Variants in PTPRT observed in about 807,000 individuals in gnomAD.
PTPRT encodes protein tyrosine phosphatase receptor type T.
In PTPRT, 56 loss-of-function variants were observed where a neutral mutation model predicts 176.8. The ratio of observed to expected loss-of-function variants is 0.32; its 90% confidence interval spans 0.26 to 0.40. PTPRT has a LOEUF of 0.40. Among genes scored for constraint, PTPRT ranks in the 10% least tolerant of loss-of-function variants. The pLI, the probability that PTPRT is intolerant of heterozygous loss-of-function variation, is 1.00. For synonymous variants in PTPRT, 783 were observed against 739.0 expected (o/e 1.06, Z -0.96); for missense variants, 1,540 against 1,908.2 (o/e 0.81, Z 3.60).
chr20:42,065,205 A>G, the PTPRT span, among the ~76,000 whole-genome samples: 16 of 152,358 alleles, frequency 1.1e-4, no homozygotes, highest in Admixed American at 9.8e-4. Flanking sequence ...CTGACCCACA[A>G]AATTATGAAA....
At chr20:42,514,572 T>A (rs1253025528) in intron 7 of PTPRT, among the ~76,000 whole-genome samples, 1 of 152,182 alleles carries the variant, frequency 6.6e-6, no homozygotes, top group African/African-American at 2.4e-5. Context: ...GATTTGGGGG[T>A]GCCTTTTGAA....
the PTPRT span, among the ~76,000 whole-genome samples, chr20:42,046,275 A>T: frequency 3.9e-5 from 6 of 152,070 alleles, no homozygotes; most frequent in Non-Finnish European, 8.8e-5. Context: ...TGTTGCCGAC[A>T]CTCTTCTCCT....
rs144480997 is a variant in PTPRT, at chr20:42,632,302, G to A, written c.1153+45564C>T. Among the ~76,000 whole-genome samples the A allele has an allele frequency of 5.9e-5, 9 of 152,210 alleles. No homozygotes were observed. In the East Asian group the frequency reaches 1.4e-3, roughly 23 times the overall value. ...CGCCCAGGCTGCAGTGCAGTGGTGC[G>A]ATCTTGGCTCACTGCAATCTCTGCC... On this transcript the variant is annotated intron_variant, in intron 7 of 30. Transcript: ENST00000373187.
chr20:42,444,578 G>C (rs1030583216), intron 9 of PTPRT, among the ~76,000 whole-genome samples: 7 of 152,126 alleles, frequency 4.6e-5, no homozygotes, highest in African/African-American at 1.7e-4. Flanking sequence ...CATAGTTATA[G>C]TAATGAAACT....
chr20:42,651,816 G>A (rs1397126435), intron 7 of PTPRT, among the ~76,000 whole-genome samples: 5 of 152,276 alleles, frequency 3.3e-5, no homozygotes, highest in Non-Finnish European at 7.4e-5. Context: ...GGAGGCTGAG[G>A]TGGGTGGATC....
At chr20:42,422,913 AG>A (rs1317806780) in intron 9 of PTPRT, among the ~76,000 whole-genome samples, 1 of 152,152 alleles carries the variant, frequency 6.6e-6, no homozygotes, top group African/African-American at 2.4e-5. Context: ...ATGGCGGTGG[AG>A]GCCATTATCC....
At chr20:42,840,363 T>C (rs1361492904) in intron 2 of PTPRT, among the ~76,000 whole-genome samples, 1 of 152,094 alleles carries the variant, frequency 6.6e-6, no homozygotes, top group African/African-American at 2.4e-5. Context: ...CAATCTGAGG[T>C]ATTGGTATTT....
intron 1 of PTPRT, among the ~76,000 whole-genome samples, chr20:42,972,486 AC>A (rs1325197148): frequency 1.2e-4 from 18 of 151,006 alleles, no homozygotes; most frequent in African/African-American, 4.4e-4. Context: ...ACATGATGAA[AC>A]CCCGTCTCTA....
At chr20:42,882,601 TA>T (rs2079026089) in intron 2 of PTPRT, among the ~76,000 whole-genome samples, 1 of 152,232 alleles carries the variant, frequency 6.6e-6, no homozygotes, top group African/African-American at 2.4e-5. Flanking sequence ...TTCATTCCTG[TA>T]TTAATAAAAA....
intron 9 of PTPRT, among the ~76,000 whole-genome samples, chr20:42,377,757 A>G (rs1353719554): frequency 6.6e-6 from 1 of 152,178 alleles, no homozygotes; most frequent in Non-Finnish European, 1.5e-5. Flanking sequence ...TCAGTTCGCC[A>G]CCTCTGTAAA....
chr20:43,027,428 ATC>A (rs900192631), intron 1 of PTPRT, among the ~76,000 whole-genome samples: 17 of 151,284 alleles, frequency 1.1e-4, no homozygotes, highest in African/African-American at 4.1e-4. Context: ...GTGAGCCAAG[ATC>A]GTGCCACTAC....
intron 1 of PTPRT, among the ~76,000 whole-genome samples, chr20:43,041,580 AC>A (rs1383158564): frequency 6.6e-6 from 1 of 152,172 alleles, no homozygotes. Flanking sequence ...ATAACGTGCC[AC>A]CTACTTCCCT....
At chr20:42,858,510 T>C (rs950546981) in intron 2 of PTPRT, among the ~76,000 whole-genome samples, 3 of 152,020 alleles carry the variant, frequency 2.0e-5, no homozygotes, top group African/African-American at 7.2e-5. Flanking sequence ...TTTGGGGAGA[T>C]GAATTAGGTC....
intron 1 of PTPRT, among the ~76,000 whole-genome samples, chr20:43,159,120 C>T (rs1423974048): frequency 1.3e-5 from 2 of 152,140 alleles, no homozygotes; most frequent in Non-Finnish European, 1.5e-5. Flanking sequence ...GTTCTCAAGC[C>T]AGTTATCGCT....
intron 7 of PTPRT, among the ~76,000 whole-genome samples, chr20:42,495,855 C>T (rs1032955932): frequency 6.6e-6 from 1 of 152,058 alleles, no homozygotes. Context: ...ATACAGTTGA[C>T]CCTTGTATAT....
At chr20:42,113,005 C>T (rs1002403427) in intron 22 of PTPRT, among the ~76,000 whole-genome samples, 6 of 152,162 alleles carry the variant, frequency 3.9e-5, no homozygotes, top group South Asian at 2.1e-4. Context: ...CCTCTCTCCC[C>T]GATGCGTCTG....
intron 7 of PTPRT, among the ~76,000 whole-genome samples, chr20:42,623,001 G>A (rs11086845): frequency 0.21 from 31,549 of 152,008 alleles, 4,545 homozygotes; most frequent in African/African-American, 0.41. Context: ...AGAAATGCAC[G>A]GACGAATGGC....
chr20:42,115,796 TAGG>T (rs1987243635), intron 21 of PTPRT, among the ~76,000 whole-genome samples: 3 of 151,420 alleles, frequency 2.0e-5, no homozygotes, highest in East Asian at 3.9e-4. Flanking sequence ...AGGTGGGAAA[TAGG>T]AGGTGGAAGC....
intron 7 of PTPRT, among the ~76,000 whole-genome samples, chr20:42,654,933 T>C (rs2075098412): frequency 6.6e-6 from 1 of 152,224 alleles, no homozygotes; most frequent in Admixed American, 6.5e-5. Context: ...TCTTATTGCA[T>C]TAATGTTATA....
Sources: gnomAD v4.1 joint callset for allele counts (sites outside exome capture counted in the v4.1 genomes callset) on GRCh38, gnomAD v4.1.1 for gene constraint, MANE v1.5 for transcripts, NCBI Gene and HGNC (gene_info 2026-07-23, HGNC 2026-07-21) for gene names.